The following GFRA2 variants were observed in gnomAD, a reference collection of about 807,000 sequenced individuals.
The protein encoded by GFRA2 is GDNF family receptor alpha-2.
In GFRA2, 17 loss-of-function variants were observed where a neutral mutation model predicts 48.3. That is an observed-to-expected ratio of 0.35 (90% CI 0.24 to 0.53). The LOEUF (loss-of-function observed/expected upper bound fraction) is 0.53, where lower values mean the gene tolerates loss of function less well. Ranked by LOEUF, GFRA2 falls within the 20% of genes least tolerant of loss-of-function variation. The pLI is 0.93. For synonymous variants in GFRA2, 305 were observed against 257.2 expected (o/e 1.19, Z -1.78); for missense variants, 660 against 637.3 (o/e 1.04, Z -0.38).
At chr8:21,775,920 C>T (rs1806671243) in intron 2 of GFRA2, among the ~76,000 whole-genome samples, 1 of 151,958 alleles carries the variant, frequency 6.6e-6, no homozygotes, top group African/African-American at 2.4e-5. Flanking sequence ...GCTGAGGCCT[C>T]AGCGGGAAAG....
Position 21,705,921 on chromosome 8 carries a change from G to A in GFRA2, c.904+11C>T, listed in dbSNP as rs765945955. On this transcript the variant is annotated intron_variant, in intron 5 of 8. Coordinates refer to ENST00000524240, the MANE Select transcript of GFRA2 (RefSeq NM_001495.5). ...GGACCCACAGAGCCCAGGTGAGCAG[G>A]AAGAGCTTACCAATCATGCCAGCAT... The A allele has an allele frequency of 2.4e-5, 36 of 1,521,066 alleles. No homozygotes were observed. The highest frequency in any genetic ancestry group is 3.0e-5 in the Non-Finnish European group (34 of 1,118,066). 94.2% of individuals were successfully genotyped at this position (1,521,066 alleles called of 1,614,324 possible). A position where few individuals can be genotyped will look rare whatever the true frequency, so the allele number is the denominator to read the frequency against.
intron 4 of GFRA2, among the ~76,000 whole-genome samples, chr8:21,707,346 C>T (rs1336719849): frequency 6.6e-6 from 1 of 152,192 alleles, no homozygotes; most frequent in African/African-American, 2.4e-5. Context: ...GGGAAAGGAA[C>T]AGGTAGAAGG....
intron 4 of GFRA2, among the ~76,000 whole-genome samples, chr8:21,736,176 G>C (rs763793258): frequency 7.9e-5 from 12 of 152,176 alleles, no homozygotes; most frequent in Non-Finnish European, 1.3e-4. Context: ...GTCCAGACAC[G>C]CATTTCTTCA....
At chr8:21,777,994 C>T (rs1451851072) in intron 2 of GFRA2, among the ~76,000 whole-genome samples, 2 of 152,212 alleles carry the variant, frequency 1.3e-5, no homozygotes, top group African/African-American at 2.4e-5. Context: ...ACTGCCGCCA[C>T]GGGCTCTTTG....
At chr8:21,753,150 T>G (rs931890437) in intron 3 of GFRA2, among the ~76,000 whole-genome samples, 1 of 152,144 alleles carries the variant, frequency 6.6e-6, no homozygotes, top group Non-Finnish European at 1.5e-5. Context: ...CCTACACACC[T>G]CTATATGTGT....
intron 1 of GFRA2, among the ~76,000 whole-genome samples, 173 bp downstream of exon 1, chr8:21,787,944 CCCT>C (rs1807365579): frequency 1.3e-5 from 2 of 151,900 alleles, no homozygotes; most frequent in South Asian, 4.1e-4. Flanking sequence ...CGGCTCCGGT[CCCT>C]CGTCCGCGTC....
chr8:21,778,436 A>G (rs1422536295), intron 2 of GFRA2, among the ~76,000 whole-genome samples: 1 of 152,162 alleles, frequency 6.6e-6, no homozygotes, highest in Non-Finnish European at 1.5e-5. Flanking sequence ...GGAAAAAAGT[A>G]AGGGTGTATT....
chr8:21,703,730 A>C (rs1273377579), intron 6 of GFRA2, among the ~76,000 whole-genome samples: 2 of 152,004 alleles, frequency 1.3e-5, no homozygotes, highest in African/African-American at 4.8e-5. Flanking sequence ...CAGCCCGCTG[A>C]GCTCACCTCC....
rs1807405472 is a variant in GFRA2 at position 21,788,590 on chromosome 8, G to T, written c.-431C>A. 6 of 997,244 alleles carry T rather than the reference G, an allele frequency of 6.0e-6. No homozygotes were observed. The highest frequency in any genetic ancestry group is 7.2e-6 in the Non-Finnish European group (6 of 838,292). 61.8% of individuals were successfully genotyped at this position (997,244 alleles called of 1,614,324 possible). A position where few individuals can be genotyped will look rare whatever the true frequency, so the allele number is the denominator to read the frequency against. On this transcript the variant is annotated 5_prime_UTR_variant, in exon 1 of 9. Coordinates refer to ENST00000524240, the MANE Select transcript of GFRA2 (RefSeq NM_001495.5). ...GAAGGGCTGGAAGGAAGCGGCGAGG[G>T]AGGGGGTCGGAATAAAATGCAAATA...
At chr8:21,731,015 C>T (rs1224931919) in intron 4 of GFRA2, among the ~76,000 whole-genome samples, 2 of 152,194 alleles carry the variant, frequency 1.3e-5, no homozygotes, top group Admixed American at 6.5e-5. Flanking sequence ...TTCCCTTCCT[C>T]GTGTTGCGGA....
At chr8:21,785,817 T>C (rs1354366973) in intron 1 of GFRA2, among the ~76,000 whole-genome samples, 24 of 152,228 alleles carry the variant, frequency 1.6e-4, no homozygotes, top group African/African-American at 5.3e-4. Context: ...AGAATCTCAG[T>C]AGGGGCACAC....
At chr8:21,794,233 CTTTTTTTTTTTTTTT>C (rs1159236794) in intron 2 of GFRA2, among the ~76,000 whole-genome samples, 7 of 66,992 alleles carry the variant, frequency 1.0e-4, no homozygotes, top group South Asian at 6.2e-4. Flanking sequence ...CTGAGAGTGA[CTTTTTTTTTTTTTTT>C]TTTTTTTTTT....
At chr8:21,754,410 T>TG (rs1805452263) in intron 3 of GFRA2, among the ~76,000 whole-genome samples, 2 of 151,922 alleles carry the variant, frequency 1.3e-5, no homozygotes, top group African/African-American at 2.4e-5. Context: ...CAGGACCATG[T>TG]GGGGCCTAGC....
At chr8:21,710,334 A>G (rs1585238693) in intron 4 of GFRA2, among the ~76,000 whole-genome samples, 1 of 152,358 alleles carries the variant, frequency 6.6e-6, no homozygotes, top group African/African-American at 2.4e-5. Flanking sequence ...TTCTCTGCCT[A>G]GCGCTGTGCC....
chr8:21,743,402 C>A (rs549059517), intron 4 of GFRA2, among the ~76,000 whole-genome samples: 1 of 152,270 alleles, frequency 6.6e-6, no homozygotes, highest in Non-Finnish European at 1.5e-5. Flanking sequence ...AGCAGGGTTA[C>A]CCAGGGAAGA....
At chr8:21,699,853 CA>C (rs1276962681) in intron 7 of GFRA2, among the ~76,000 whole-genome samples, 1 of 152,184 alleles carries the variant, frequency 6.6e-6, no homozygotes, top group Non-Finnish European at 1.5e-5. Context: ...ACAAAGCACC[CA>C]CTCCATGCCA....
intron 4 of GFRA2, among the ~76,000 whole-genome samples, chr8:21,739,348 A>G (rs985255016): frequency 1.1e-4 from 16 of 152,152 alleles, no homozygotes; most frequent in African/African-American, 3.6e-4. Flanking sequence ...CAGCCTCTGC[A>G]CCTGAGGATG....
intron 3 of GFRA2, among the ~76,000 whole-genome samples, chr8:21,751,971 A>G (rs2117600983): frequency 6.6e-6 from 1 of 152,324 alleles, no homozygotes; most frequent in South Asian, 2.1e-4. Context: ...ATCGGCGTTC[A>G]ACTCCTGGCC....
At chr8:21,767,445 G>A (rs1585319518) in intron 3 of GFRA2, among the ~76,000 whole-genome samples, 2 of 152,366 alleles carry the variant, frequency 1.3e-5, no homozygotes, top group South Asian at 2.1e-4. Context: ...CACCGTGCAC[G>A]GGGGTTACAG....
Sources: gnomAD v4.1 joint callset for allele counts (sites outside exome capture counted in the v4.1 genomes callset) on GRCh38, gnomAD v4.1.1 for gene constraint, MANE v1.5 for transcripts, NCBI Gene and HGNC (gene_info 2026-07-23, HGNC 2026-07-21) for gene names.